Variants in TENM1 observed in about 807,000 individuals in gnomAD.
The protein encoded by TENM1 is teneurin-1.
Under a neutral mutation model 174.8 loss-of-function variants are expected in TENM1, and 35 were observed. That is an observed-to-expected ratio of 0.20 (90% CI 0.15 to 0.27). The LOEUF (loss-of-function observed/expected upper bound fraction) is 0.27, where lower values mean the gene tolerates loss of function less well. TENM1 is among the 10% of genes least tolerant of loss of function. The probability of loss-of-function intolerance (pLI) is 1.00; values close to 1 mark genes in which losing one functional copy is unlikely to be tolerated. For synonymous variants in TENM1, 781 were observed against 798.7 expected (o/e 0.98, Z 0.37); for missense variants, 1,633 against 2,130.1 (o/e 0.77, Z 4.59).
intron 3 of TENM1, among the ~76,000 whole-genome samples, chrX:124,841,489 C>T (rs1351813372): frequency 2.7e-5 from 3 of 110,958 alleles, no homozygotes; most frequent in Non-Finnish European, 5.7e-5. Context: ...AGAGGAGTAC[C>T]AATCATGCAC....
chrX:124,921,406 T>G (rs2058020545), intron 1 of TENM1, among the ~76,000 whole-genome samples: 1 of 111,130 alleles, frequency 9.0e-6, no homozygotes, highest in South Asian at 3.7e-4. Context: ...TTTATGAAAA[T>G]TGGGTATTTT....
intron 3 of TENM1, among the ~76,000 whole-genome samples, chrX:124,803,278 T>G (rs752450576): frequency 1.8e-5 from 2 of 112,200 alleles, no homozygotes; most frequent in Non-Finnish European, 3.8e-5. Context: ...TTACTGCTTC[T>G]AAATTCTGTT....
At chrX:125,087,958 G>A in the TENM1 span, among the ~76,000 whole-genome samples, 2 of 111,063 alleles carry the variant, frequency 1.8e-5, no homozygotes, top group Admixed American at 9.6e-5. Context: ...TAAGTATATA[G>A]GCTGCACATA....
intron 11 of TENM1, among the ~76,000 whole-genome samples, chrX:124,587,980 C>G (rs1210627996): frequency 1.8e-5 from 2 of 111,947 alleles, no homozygotes; most frequent in African/African-American, 6.5e-5. Context: ...CAAATCAAAA[C>G]CACAATGAGA....
the TENM1 span, among the ~76,000 whole-genome samples, chrX:125,067,998 T>G: frequency 9.0e-6 from 1 of 111,681 alleles, no homozygotes; most frequent in Non-Finnish European, 1.9e-5. Context: ...TACACTAAAA[T>G]GCACATAATT....
intron 21 of TENM1, among the ~76,000 whole-genome samples, chrX:124,485,150 A>T (rs1267591488): frequency 1.8e-5 from 2 of 111,794 alleles, no homozygotes; most frequent in African/African-American, 6.5e-5. Context: ...AATAATAATC[A>T]GGCCTGCAAA....
chrX:125,191,529 C>G, the TENM1 span, among the ~76,000 whole-genome samples: 1 of 110,893 alleles, frequency 9.0e-6, no homozygotes, highest in Non-Finnish European at 1.9e-5. Context: ...GAGTAGGCCA[C>G]TATGATGAAG....
At chrX:124,989,751 C>T in the TENM1 span, among the ~76,000 whole-genome samples, 1 of 110,306 alleles carries the variant, frequency 9.1e-6, no homozygotes, top group Non-Finnish European at 1.9e-5. Flanking sequence ...AACCTCTGAT[C>T]TGGCTTGATG....
intron 24 of TENM1, among the ~76,000 whole-genome samples, chrX:124,421,614 CT>C (rs34110361): frequency 0.48 from 45,911 of 94,805 alleles, 9,969 homozygotes; most frequent in Non-Finnish European, 0.65. Context: ...GGAGAAGGCT[CT>C]TTTTTTTTTT....
chrX:124,969,253 T>C, the TENM1 span, among the ~76,000 whole-genome samples: 1 of 112,730 alleles, frequency 8.9e-6, no homozygotes, highest in African/African-American at 3.2e-5. Context: ...AAGTCAATTA[T>C]AGTTTTTACT....
intron 3 of TENM1, among the ~76,000 whole-genome samples, chrX:124,765,437 C>T (rs748932609): frequency 3.0e-4 from 34 of 112,179 alleles, no homozygotes; most frequent in African/African-American, 1.0e-3. Flanking sequence ...GTGTGGTACA[C>T]AGCCAGTACT....
intron 11 of TENM1, among the ~76,000 whole-genome samples, chrX:124,600,253 C>T (rs1467814265): frequency 9.1e-6 from 1 of 110,453 alleles, no homozygotes; most frequent in Non-Finnish European, 1.9e-5. Flanking sequence ...CTGGAATATC[C>T]TATTAAGACA....
At chrX:124,974,902 A>ATATATATATAT in the TENM1 span, among the ~76,000 whole-genome samples, 8 of 91,958 alleles carry the variant, frequency 8.7e-5, no homozygotes, top group Non-Finnish European at 1.3e-4. Flanking sequence ...ATATATATAT[A>ATATATATATAT]AAATAATTTT....
intron 1 of TENM1, among the ~76,000 whole-genome samples, chrX:124,897,249 A>G (rs1162573758): frequency 8.9e-6 from 1 of 111,815 alleles, no homozygotes; most frequent in Non-Finnish European, 1.9e-5. Flanking sequence ...TAAGTTAATG[A>G]AAAATGACCA....
chrX:124,649,336 T>C (rs1048166628), intron 8 of TENM1, among the ~76,000 whole-genome samples: 9 of 112,579 alleles, frequency 8.0e-5, no homozygotes, highest in African/African-American at 2.9e-4. Context: ...TAATGAATAC[T>C]CTTATAGAAT....
the TENM1 span, among the ~76,000 whole-genome samples, chrX:125,014,790 T>C: frequency 1.8e-5 from 2 of 111,387 alleles, no homozygotes; most frequent in Non-Finnish European, 3.8e-5. Flanking sequence ...AAAGCATGCT[T>C]ACTATCATAA....
At chrX:124,619,039 C>T (rs988653191) in intron 11 of TENM1, among the ~76,000 whole-genome samples, 2 of 111,732 alleles carry the variant, frequency 1.8e-5, no homozygotes, top group Admixed American at 9.5e-5. Context: ...ACTATGATCT[C>T]ATCACTGAAC....
the TENM1 span, among the ~76,000 whole-genome samples, chrX:125,179,942 G>A: frequency 9.6e-6 from 1 of 103,894 alleles, no homozygotes; most frequent in Non-Finnish European, 2.0e-5. Context: ...TGGTTTATTG[G>A]TCTTCATATT....
In TENM1 at chrX:124,802,530, G is replaced by C. The variant is rs2055482831; in HGVS notation, c.536-65333C>G. ...TGGGGGGCACCAACTGCCTCCCTTG[G>C]CTGGGGGGCTGGGGGCTCCCTTGCC... On this transcript the variant is annotated intron_variant, in intron 3 of 31. Transcript: ENST00000422452. Among the ~76,000 whole-genome samples the C allele has an allele frequency of 2.7e-5, 3 of 110,937 alleles. No individual in the cohort carries two copies. The South Asian group carries it at 1.2e-3, about 44-fold the overall frequency.
Sources: allele counts gnomAD v4.1 joint callset (sites outside exome capture counted in the v4.1 genomes callset), GRCh38; gene constraint gnomAD v4.1.1; transcripts MANE v1.5; gene names NCBI Gene and HGNC (gene_info 2026-07-23, HGNC 2026-07-21).